Variants in PRPF6 observed in about 807,000 individuals in gnomAD.
PRPF6 encodes pre-mRNA processing factor 6.
Under a neutral mutation model 118.3 loss-of-function variants are expected in PRPF6, and 42 were observed. That is an observed-to-expected ratio of 0.35 (90% CI 0.28 to 0.46). The LOEUF is 0.46. PRPF6 is among the 20% of genes least tolerant of loss of function. The pLI is 1.00. For synonymous variants in PRPF6, 481 were observed against 485.1 expected, an observed-to-expected ratio of 0.99 and a Z score of 0.11; for missense variants, 662 against 1,255.7, an observed-to-expected ratio of 0.53 and a Z score of 7.15.
intron 10 of PRPF6, among the ~76,000 whole-genome samples, chr20:64,010,534 G>A (rs1335351796): frequency 2.0e-5 from 3 of 152,232 alleles, no homozygotes; most frequent in East Asian, 3.8e-4. Flanking sequence ...CTTAATGGAC[G>A]TGCAGGGAGA....
intron 6 of PRPF6, among the ~76,000 whole-genome samples, chr20:63,997,663 G>A (rs921185070): frequency 6.6e-6 from 1 of 151,922 alleles, no homozygotes; most frequent in Non-Finnish European, 1.5e-5. Context: ...CATCATGTTG[G>A]CCAGGATGGT....
Position 64,028,023 on chromosome 20 carries a change from C to T in PRPF6, c.2339+287C>T, listed in dbSNP as rs2059299055. Among the ~76,000 whole-genome samples, 1 of 152,088 alleles carries T rather than the reference C, an allele frequency of 6.6e-6. No individual in the cohort carries two copies. Among genetic ancestry groups the T allele is most frequent in the African/African-American group, 2.4e-5 (1 of 41,400 alleles). The stretch of plus-strand genomic sequence containing the variant: ...ATGGCTGGGACGAGGGAAGGATGGA[C>T]CCCGGAGAGCCAGCTCCACAGAGGA... On this transcript the variant is annotated intron_variant, in intron 17 of 20. Coordinates refer to ENST00000266079, the MANE Select transcript of PRPF6 (RefSeq NM_012469.4). The surrounding 1 kb of genome is among the most constrained non-coding windows in gnomAD (Gnocchi z 6.5).
chr20:64,013,325 T>G (rs910744206), intron 11 of PRPF6, among the ~76,000 whole-genome samples: 1 of 152,208 alleles, frequency 6.6e-6, no homozygotes, highest in Non-Finnish European at 1.5e-5. Context: ...TGCCTTCTTT[T>G]AAGGAGTCAC....
chr20:63,983,028 T>G lies in PRPF6; in HGVS notation c.72-19T>G. ...AACAGAGTTATTCAGACACCCGGTG[T>G]CTTGGGGGTCTCCTGCAGCGCCACT... is the stretch of plus-strand genomic sequence containing the variant. On this transcript the variant is annotated intron_variant, in intron 1 of 20. Coordinates refer to ENST00000266079, the MANE Select transcript of PRPF6 (RefSeq NM_012469.4). 1 of 1,613,296 alleles carries G rather than the reference T, an allele frequency of 6.2e-7. No individual in the cohort carries two copies. The highest frequency in any genetic ancestry group is 8.5e-7 in the Non-Finnish European group (1 of 1,179,708).
chr20:63,989,608 C>T (rs1018478178), intron 3 of PRPF6, among the ~76,000 whole-genome samples: 2 of 152,106 alleles, frequency 1.3e-5, no homozygotes, highest in African/African-American at 4.8e-5. Context: ...CTCTGCCTCC[C>T]GGGTTCAAGC....
intron 11 of PRPF6, among the ~76,000 whole-genome samples, chr20:64,013,209 C>T (rs1379874408): frequency 6.6e-6 from 1 of 152,100 alleles, no homozygotes; most frequent in Non-Finnish European, 1.5e-5. Flanking sequence ...AAGCAACCTG[C>T]CCGCCTTGGT....
intron 11 of PRPF6, among the ~76,000 whole-genome samples, chr20:64,013,578 G>C (rs1216326201): frequency 6.6e-6 from 1 of 152,036 alleles, no homozygotes; most frequent in Non-Finnish European, 1.5e-5. Flanking sequence ...CAAGTGGCTG[G>C]GACTACAGGC....
intron 12 of PRPF6, 29 bp downstream of exon 12, chr20:64,016,874 T>C (rs754247722): frequency 2.5e-6 from 4 of 1,613,810 alleles, no homozygotes; most frequent in East Asian, 2.2e-5. Flanking sequence ...CCTTTGTCCG[T>C]AATATGGAGT....
rs141597395 is a variant in PRPF6, at chr20:64,032,009, T to G, written c.2638T>G (p.Phe880Val). The G allele has an allele frequency of 1.0e-4, 162 of 1,614,114 alleles. No homozygotes were observed. The highest frequency in any genetic ancestry group is 2.7e-4 in the East Asian group (12 of 44,878). Reference sequence around the variant, plus strand: ...CTCGGACCTGGGGGATGCCTGGGCCTTCTTCTACAAGTTTGAGCTGCAGCA... The same window carrying G: ...CTCGGACCTGGGGGATGCCTGGGCCGTCTTCTACAAGTTTGAGCTGCAGCA... ...IDSDLGDAWA[F>V]FYKFELQHGT... Residue 880 changes from phenylalanine to valine, a missense_variant, in exon 20 of 21, where the codon TTC becomes GTC. Coordinates refer to ENST00000266079, the MANE Select transcript of PRPF6 (RefSeq NM_012469.4).
intron 4 of PRPF6, among the ~76,000 whole-genome samples, 191 bp from the exon 5 acceptor site, chr20:63,994,725 T>G (rs1047922674): frequency 1.5e-4 from 23 of 152,184 alleles, no homozygotes; most frequent in Non-Finnish European, 3.4e-4. Context: ...GAGCTGTGAT[T>G]GTGCCACTGA....
chr20:64,017,840 T>C (rs778846543), intron 12 of PRPF6, among the ~76,000 whole-genome samples: 2 of 152,244 alleles, frequency 1.3e-5, no homozygotes, highest in Non-Finnish European at 2.9e-5. Context: ...TACACAGCCA[T>C]AGCTCAGTTA....
rs780091598 is a variant in PRPF6 at position 64,011,406 on chromosome 20, C to T, written c.1427C>T (p.Ala476Val). 1.7e-5 allele frequency: 28 copies of T among 1,614,082 alleles called. 1 individual carries two copies. In the South Asian group the frequency reaches 3.1e-4, roughly 18 times the overall value. The change falls in exon 11 of 21, where the codon GCC becomes GTC. Residue 476 changes from alanine (A) to valine (V), a missense_variant. Physicochemically the swap from Ala to Val is moderately conservative, Grantham distance 64 (BLOSUM62 0). This residue lies in a region of PRPF6 where 189 missense variants were observed against 323.5 expected (regional missense o/e 0.58). Coordinates refer to ENST00000266079, the MANE Select transcript of PRPF6 (RefSeq NM_012469.4). This position sits in a 1 kb window ranked among gnomAD's most constrained non-coding sequence, Gnocchi z 6.7. ...ATCACGGCTGCTAAGCTGGAGGAAGCCAATGGGAACACGCAGATGGTGGAG... is the reference window on the plus strand; with the variant it reads ...ATCACGGCTGCTAAGCTGGAGGAAGTCAATGGGAACACGCAGATGGTGGAG... ...IWITAAKLEE[A>V]NGNTQMVEKI...
intron 9 of PRPF6, 63 bp from the exon 10 acceptor site, chr20:64,010,137 C>A: frequency 7.2e-7 from 1 of 1,385,894 alleles, no homozygotes. Flanking sequence ...GCATGCTCAC[C>A]ACATGAGCCT....
Position 64,027,300 on chromosome 20 carries a change from C to T in PRPF6, c.2205+142C>T. ...AGCTGATGGAGCTGCAGACTCAGGACCCAAACCCTGGTCCCCTCGCTGAGT... is the reference window on the plus strand; with the variant it reads ...AGCTGATGGAGCTGCAGACTCAGGATCCAAACCCTGGTCCCCTCGCTGAGT... On this transcript the variant is annotated intron_variant, in intron 16 of 20. Transcript: ENST00000266079. The surrounding 1 kb of genome is among the most constrained non-coding windows in gnomAD (Gnocchi z 6.5). 1 of 1,161,666 alleles carries T rather than the reference C, an allele frequency of 8.6e-7. No homozygotes were observed. The highest frequency in any genetic ancestry group is 1.3e-5 in the South Asian group (1 of 74,476). The allele number at this position is 1,161,666 out of a possible 1,614,324, so 72.0% of individuals were successfully genotyped here.
rs1266842404 is a variant in PRPF6, at chr20:64,024,708, C to T, written c.1908+15C>T. 1.2e-6 allele frequency: 2 copies of T among 1,610,440 alleles called. No homozygotes were observed. Among genetic ancestry groups the T allele is most frequent in the Non-Finnish European group, 1.7e-6 (2 of 1,179,282 alleles). ...TGGCCTTCCAGGTGGGTGAGGGTTGCCTGTGTGGTGAGGGGCCTGTGCACA... is the reference window on the plus strand; with the variant it reads ...TGGCCTTCCAGGTGGGTGAGGGTTGTCTGTGTGGTGAGGGGCCTGTGCACA... On this transcript the variant is annotated intron_variant, in intron 14 of 20. Transcript: ENST00000266079.
intron 12 of PRPF6, among the ~76,000 whole-genome samples, chr20:64,017,909 A>C (rs1045268534): frequency 6.6e-6 from 1 of 152,190 alleles, no homozygotes; most frequent in African/African-American, 2.4e-5. Context: ...ACCTTACTCA[A>C]ATCTCACCCA....
At position 64,029,012 on chromosome 20, in the gene PRPF6, C is replaced by T. The variant is rs976718360; in HGVS notation, c.2432-365C>T. ...GTGAAACCCCGTCTCTACTAAAATACAAAAATGAGCTGGGCATGGTGGCGG... is the reference window on the plus strand; with the variant it reads ...GTGAAACCCCGTCTCTACTAAAATATAAAAATGAGCTGGGCATGGTGGCGG... On this transcript the variant is annotated intron_variant, in intron 18 of 20. Transcript: ENST00000266079. This position sits in a 1 kb window ranked among gnomAD's most constrained non-coding sequence, Gnocchi z 4.8. Among the ~76,000 whole-genome samples, 1 of 152,048 alleles carries T rather than the reference C, an allele frequency of 6.6e-6. No individual in the cohort carries two copies. The highest frequency in any genetic ancestry group is 1.5e-5 in the Non-Finnish European group (1 of 67,992).
Position 63,982,007 on chromosome 20 carries a change from A to G in PRPF6, c.71+691A>G, listed in dbSNP as rs561140375. 5.3e-5 allele frequency among the ~76,000 whole-genome samples: 8 copies of G among 152,012 alleles called. No homozygotes were observed. In the East Asian group the frequency reaches 1.5e-3, roughly 29 times the overall value. On this transcript the variant is annotated intron_variant, in intron 1 of 20. Coordinates refer to ENST00000266079, the MANE Select transcript of PRPF6 (RefSeq NM_012469.4). ...GAGAAACTGACATTCTGCGTGTGGG[A>G]GTTCAAAAAAAGTGAGGCAAGGAGG...
At chr20:63,983,384 G>A (rs184335544) in intron 2 of PRPF6, among the ~76,000 whole-genome samples, 169 bp downstream of exon 2, 4 of 152,240 alleles carry the variant, frequency 2.6e-5, no homozygotes, top group East Asian at 3.9e-4. Context: ...GGAAAAACAC[G>A]GAGAAATGTG....
Sources: gnomAD v4.1 joint callset for allele counts (sites outside exome capture counted in the v4.1 genomes callset) on GRCh38, gnomAD v4.1.1 for gene constraint, gnomAD v4.1.1 regional missense constraint, Gnocchi (gnomAD v3.1) non-coding constraint, MANE v1.5 for transcripts, NCBI Gene and HGNC (gene_info 2026-07-23, HGNC 2026-07-21) for gene names.